The following APLF variants were observed in gnomAD, a reference collection of about 807,000 sequenced individuals.
APLF encodes aprataxin and PNKP like factor, also known as aprataxin and PNK-like factor.
Under a neutral mutation model 55.6 loss-of-function variants are expected in APLF, and 61 were observed. The ratio of observed to expected loss-of-function variants is 1.10; its 90% CI spans 0.89 to 1.36. The LOEUF (loss-of-function observed/expected upper bound fraction) is 1.36. Ranked by LOEUF, APLF falls within the 40% of genes most tolerant of loss-of-function variation. The pLI, the probability that APLF is intolerant of heterozygous loss-of-function variation, is 0.00. For missense variants in APLF, 611 were observed against 602.5 expected, an observed-to-expected ratio of 1.01 and a Z score of -0.15; for synonymous variants, 207 against 214.8, an observed-to-expected ratio of 0.96 and a Z score of 0.32.
chr2:68,567,450 A>C (rs1410772663), intron 9 of APLF, 63 bp downstream of exon 9: 5 of 1,250,740 alleles, frequency 4.0e-6, no homozygotes, highest in Non-Finnish European at 5.6e-6. Context: ...TATTAAACCT[A>C]GTTTCCAGTT....
chr2:68,479,468 GA>G (rs1378892889), intron 1 of APLF, among the ~76,000 whole-genome samples: 4 of 152,178 alleles, frequency 2.6e-5, no homozygotes, highest in African/African-American at 9.7e-5. Context: ...AGAAATTCAA[GA>G]GCTAATAAAC....
At chr2:68,562,765 A>G (rs1399845728) in intron 8 of APLF, among the ~76,000 whole-genome samples, 2 of 152,076 alleles carry the variant, frequency 1.3e-5, no homozygotes, top group Non-Finnish European at 2.9e-5. Flanking sequence ...TTGAGCTGCT[A>G]ATAATTGGCA....
chr2:68,536,428 G>A (rs1008154021), intron 6 of APLF, among the ~76,000 whole-genome samples: 1 of 152,006 alleles, frequency 6.6e-6, no homozygotes, highest in Non-Finnish European at 1.5e-5. Flanking sequence ...TTTTCAGATG[G>A]CATCCAGCAT....
At chr2:68,470,673 C>A (rs1675590434) in intron 1 of APLF, among the ~76,000 whole-genome samples, 1 of 152,204 alleles carries the variant, frequency 6.6e-6, no homozygotes, top group East Asian at 1.9e-4. Flanking sequence ...TCAGATTTTT[C>A]TTATTTTGTT....
intron 1 of APLF, among the ~76,000 whole-genome samples, chr2:68,479,742 G>GC (rs1675891810): frequency 6.6e-6 from 1 of 152,074 alleles, no homozygotes; most frequent in African/African-American, 2.4e-5. Flanking sequence ...AAAAAGTTAG[G>GC]CAAGTTATCA....
intron 1 of APLF, 151 bp downstream of exon 1, chr2:68,467,978 C>T (rs1675485530): frequency 2.1e-6 from 1 of 473,754 alleles, no homozygotes; most frequent in Non-Finnish European, 3.4e-6. Context: ...TTTCAGTTAC[C>T]TTTAAGCCAA....
chr2:68,521,519 C>T lies in APLF; in HGVS notation c.623-4542C>T, dbSNP rs182631919. 3.4e-4 allele frequency among the ~76,000 whole-genome samples: 52 copies of T among 151,890 alleles called. No homozygotes were observed. In the East Asian group the frequency reaches 9.6e-3, roughly 28 times the overall value. On this transcript the variant is annotated intron_variant, in intron 5 of 9. Coordinates refer to ENST00000303795, the MANE Select transcript of APLF (RefSeq NM_173545.3). ...GCCTGGGCTAAATTTTTTTAAATGT[C>T]CATTAGTGATGGAGAAGTAAATATA...
intron 8 of APLF, among the ~76,000 whole-genome samples, chr2:68,549,528 A>G (rs1231060198): frequency 6.6e-6 from 1 of 152,140 alleles, no homozygotes; most frequent in Non-Finnish European, 1.5e-5. Context: ...TTTGGAAATT[A>G]AATCTTTGGA....
chr2:68,471,785 G>A (rs1675624661), intron 1 of APLF, among the ~76,000 whole-genome samples: 1 of 152,186 alleles, frequency 6.6e-6, no homozygotes, highest in Non-Finnish European at 1.5e-5. Flanking sequence ...TAAATACCAT[G>A]AGTCTGTTGA....
rs745663791 is a variant in APLF at position 68,494,627 on chromosome 2, A to G, written c.168+4366A>G. 3.9e-5 allele frequency among the ~76,000 whole-genome samples: 6 copies of G among 152,014 alleles called. No homozygotes were observed. The East Asian group carries it at 1.2e-3, about 29-fold the overall frequency. ...CTATTAAGCCCAGCATCCATTAGCT[A>G]TTCTTCCTGATGTTCTCCCTCCTCC... On this transcript the variant is annotated intron_variant, in intron 2 of 9. Transcript: ENST00000303795.
intron 8 of APLF, among the ~76,000 whole-genome samples, chr2:68,548,296 A>T (rs1189416784): frequency 2.0e-5 from 3 of 151,984 alleles, no homozygotes; most frequent in African/African-American, 7.2e-5. Flanking sequence ...ACACAACATT[A>T]AGAGAATAAA....
chr2:68,494,277 CAAAAAAAA>C (rs59466460), intron 2 of APLF, among the ~76,000 whole-genome samples: 17 of 49,542 alleles, frequency 3.4e-4, no homozygotes, highest in African/African-American at 6.9e-4. Flanking sequence ...GACCCCGTCT[CAAAAAAAA>C]AAAAAAAAAA....
intron 8 of APLF, among the ~76,000 whole-genome samples, chr2:68,558,431 C>T (rs1177267524): frequency 6.6e-6 from 1 of 152,092 alleles, no homozygotes; most frequent in East Asian, 1.9e-4. Flanking sequence ...ATTTTGAAAC[C>T]TAGATTTTTG....
chr2:68,524,118 C>T (rs1050618096), intron 5 of APLF, among the ~76,000 whole-genome samples: 1 of 152,036 alleles, frequency 6.6e-6, no homozygotes, highest in African/African-American at 2.4e-5. Flanking sequence ...ACCACTAGTT[C>T]AGTATGTCAC....
chr2:68,566,454 T>C (rs1671312408), intron 8 of APLF, among the ~76,000 whole-genome samples: 1 of 152,104 alleles, frequency 6.6e-6, no homozygotes, highest in Non-Finnish European at 1.5e-5. Context: ...CATTGCCTGC[T>C]TAGAGCCGGA....
At chr2:68,562,405 A>G (rs1196633902) in intron 8 of APLF, among the ~76,000 whole-genome samples, 1 of 152,078 alleles carries the variant, frequency 6.6e-6, no homozygotes, top group African/African-American at 2.4e-5. Context: ...ATACTTTTGT[A>G]GGTGCTATGA....
chr2:68,541,135 T>A (rs1007068090), intron 7 of APLF, among the ~76,000 whole-genome samples: 6 of 152,152 alleles, frequency 3.9e-5, no homozygotes, highest in African/African-American at 1.4e-4. Flanking sequence ...GCCTTATACC[T>A]ATCACAAAAT....
intron 2 of APLF, among the ~76,000 whole-genome samples, chr2:68,494,947 A>G (rs546471630): frequency 6.6e-6 from 1 of 152,226 alleles, no homozygotes; most frequent in African/African-American, 2.4e-5. Context: ...TAAGCCACAC[A>G]CTTTTAAATT....
intron 1 of APLF, among the ~76,000 whole-genome samples, chr2:68,480,469 A>C (rs1417606844): frequency 6.6e-6 from 1 of 151,588 alleles, no homozygotes; most frequent in Non-Finnish European, 1.5e-5. Flanking sequence ...ATGTGCAGCT[A>C]ATTTTTGTAT....
Sources: allele counts gnomAD v4.1 joint callset (sites outside exome capture counted in the v4.1 genomes callset), GRCh38; gene constraint gnomAD v4.1.1; transcripts MANE v1.5; gene names NCBI Gene and HGNC (gene_info 2026-07-23, HGNC 2026-07-21).